DEPDC5: variants seen among roughly 807,000 people sequenced by gnomAD.
DEPDC5 encodes GATOR1 complex protein DEPDC5.
Under a neutral mutation model 217.3 loss-of-function variants are expected in DEPDC5, and 73 were observed. That is an observed-to-expected ratio of 0.34 (90% CI 0.28 to 0.41). DEPDC5 has a LOEUF of 0.41. DEPDC5 is among the 10% of genes least tolerant of loss of function. The pLI, the probability that DEPDC5 is intolerant of heterozygous loss-of-function variation, is 1.00. For synonymous variants in DEPDC5, 733 were observed against 756.7 expected (o/e 0.97, Z 0.51); for missense variants, 1,675 against 2,070.1 (o/e 0.81, Z 3.70).
At chr22:31,762,370 A>C (rs1386830386) in intron 4 of DEPDC5, among the ~76,000 whole-genome samples, 1 of 152,232 alleles carries the variant, frequency 6.6e-6, no homozygotes, top group Non-Finnish European at 1.5e-5. Flanking sequence ...TCTAATGGCT[A>C]TGCCATGCTG....
chr22:31,860,971 A>G (rs1397702252), intron 32 of DEPDC5, among the ~76,000 whole-genome samples: 2 of 152,110 alleles, frequency 1.3e-5, no homozygotes, highest in Non-Finnish European at 2.9e-5. Context: ...CTTCCTTGGC[A>G]TAGGTCTGAA....
intron 7 of DEPDC5, 50 bp from the exon 8 acceptor site, chr22:31,778,049 G>A: frequency 1.9e-6 from 3 of 1,596,778 alleles, no homozygotes; most frequent in Non-Finnish European, 1.7e-6. Flanking sequence ...CACCAGGCAT[G>A]TATTGGTTTC....
intron 20 of DEPDC5, chr22:31,814,537 A>G (rs2088841416): frequency 6.0e-6 from 1 of 167,550 alleles, no homozygotes; most frequent in African/African-American, 2.4e-5. Flanking sequence ...GTTGCCTTGT[A>G]GTGTTTCAGT....
chr22:31,796,099 C>CTT (rs60336012), intron 12 of DEPDC5, among the ~76,000 whole-genome samples: 17 of 127,512 alleles, frequency 1.3e-4, no homozygotes, highest in African/African-American at 3.1e-4. Context: ...TCCACAGTAT[C>CTT]TTTTTTTTTT....
intron 27 of DEPDC5, among the ~76,000 whole-genome samples, chr22:31,841,626 A>T (rs753746405): frequency 6.6e-6 from 1 of 152,186 alleles, no homozygotes; most frequent in South Asian, 2.1e-4. Flanking sequence ...GTGGCTCGCA[A>T]TCAGTCTGAT....
At position 31,784,865 on chromosome 22, in the gene DEPDC5, C is replaced by T. The variant is rs776452358; in HGVS notation, c.614C>T (p.Thr205Ile). ...AATGGTTTCCTTGCTGATCTATTTA[C>T]CAAGTGGAAGGTACATTTCTTCTTA... The part of the protein sequence containing the change: ...AVNGFLADLF[T>I]KWKEKNCSHE... Residue 205 changes from threonine to isoleucine, a missense_variant, in exon 10 of 43, where the codon ACC becomes ATC. Around this residue, in one of 11 missense-constraint regions of DEPDC5, gnomAD observed 628 missense variants for 762.1 expected, o/e 0.82. Transcript: ENST00000651528. 1 of 1,612,744 alleles carries T rather than the reference C, an allele frequency of 6.2e-7. No individual in the cohort carries two copies. Among genetic ancestry groups the T allele is most frequent in the Non-Finnish European group, 8.5e-7 (1 of 1,179,498 alleles).
intron 5 of DEPDC5, among the ~76,000 whole-genome samples, chr22:31,766,118 C>T (rs2082796872): frequency 6.6e-6 from 1 of 152,198 alleles, no homozygotes; most frequent in African/African-American, 2.4e-5. Context: ...CACCACTTTT[C>T]TTGAAGCTTG....
chr22:31,865,037 G>A (rs902808384), intron 33 of DEPDC5, among the ~76,000 whole-genome samples: 4 of 141,436 alleles, frequency 2.8e-5, no homozygotes, highest in Non-Finnish European at 4.4e-5. Flanking sequence ...TGTTGGCCAC[G>A]CTGGTCTCGA....
intron 4 of DEPDC5, among the ~76,000 whole-genome samples, chr22:31,761,775 C>T (rs2082410198): frequency 6.6e-6 from 1 of 151,750 alleles, no homozygotes; most frequent in Admixed American, 6.6e-5. Flanking sequence ...TGCGACCAGC[C>T]TGGGCAAAAC....
At chr22:31,901,242 C>CAAAA (rs1241211030) in intron 40 of DEPDC5, among the ~76,000 whole-genome samples, 1 of 97,378 alleles carries the variant, frequency 1.0e-5, no homozygotes, top group East Asian at 3.0e-4. Context: ...GACTCTCCCT[C>CAAAA]AAAAAAAAAA....
chr22:31,769,068 G>A (rs2083086172), intron 7 of DEPDC5: 3 of 409,782 alleles, frequency 7.3e-6, no homozygotes, highest in Non-Finnish European at 1.3e-5. Flanking sequence ...GGACCATACT[G>A]GCTAACACGG....
chr22:31,900,609 C>T (rs565896596), intron 40 of DEPDC5, among the ~76,000 whole-genome samples: 3 of 152,008 alleles, frequency 2.0e-5, no homozygotes, highest in Non-Finnish European at 4.4e-5. Flanking sequence ...CGCTGTGGCA[C>T]ATGCCTGTAA....
At position 31,818,060 on chromosome 22, in the gene DEPDC5, A is replaced by T. The variant is rs116572545; in HGVS notation, c.1667-962A>T. Among the ~76,000 whole-genome samples the T allele has an allele frequency of 6.0e-3, 914 of 151,914 alleles. 15 individuals carry two copies. The highest frequency in any genetic ancestry group is 0.021 in the African/African-American group (857 of 41,424). On this transcript the variant is annotated intron_variant, in intron 21 of 42. Transcript: ENST00000651528. ...CTTGGAGTTTGCATCTGCTGGACCCACTTTTTCATCTGGGTGGTTGCTTAA... is the reference window on the plus strand; with the variant it reads ...CTTGGAGTTTGCATCTGCTGGACCCTCTTTTTCATCTGGGTGGTTGCTTAA...
At chr22:31,864,522 A>G (rs141117237) in intron 33 of DEPDC5, among the ~76,000 whole-genome samples, 1 of 133,022 alleles carries the variant, frequency 7.5e-6, no homozygotes, top group Non-Finnish European at 1.6e-5. Context: ...ATATATATAT[A>G]TATTTATATA....
intron 38 of DEPDC5, among the ~76,000 whole-genome samples, chr22:31,885,209 A>G (rs575429803): frequency 1.3e-5 from 2 of 152,334 alleles, no homozygotes; most frequent in East Asian, 3.9e-4. Flanking sequence ...TAGAGTTTTC[A>G]GCAGCCTACA....
In DEPDC5 at chr22:31,821,704, A is replaced by G. The variant is rs2089714834; in HGVS notation, c.2006+67A>G. 3.5e-5 allele frequency: 55 copies of G among 1,571,922 alleles called. No homozygotes were observed. In the South Asian group the frequency reaches 5.6e-4, roughly 16 times the overall value. Reference sequence around the variant, plus strand: ...CTCTCCAGCACCCAGGACAATGTGCAGAACAGACTATTGACAAAATGTTGT... The same window carrying G: ...CTCTCCAGCACCCAGGACAATGTGCGGAACAGACTATTGACAAAATGTTGT... On this transcript the variant is annotated intron_variant, in intron 23 of 42. Coordinates refer to ENST00000651528, the MANE Select transcript of DEPDC5 (RefSeq NM_001242896.3).
At chr22:31,821,761 G>A (rs747440433) in intron 23 of DEPDC5, 124 bp downstream of exon 23, 633 of 1,375,846 alleles carry the variant, frequency 4.6e-4, no homozygotes, top group Non-Finnish European at 5.3e-4. Context: ...TATGAGGTCA[G>A]GGCCTTCCTT....
intron 38 of DEPDC5, among the ~76,000 whole-genome samples, chr22:31,882,192 A>G (rs1200670955): frequency 2.0e-5 from 3 of 152,140 alleles, no homozygotes; most frequent in Non-Finnish European, 4.4e-5. Context: ...CATGAAATCA[A>G]GTTTATTTTT....
rs2149449423 is a variant in DEPDC5, at chr22:31,906,338, C to T, written c.4653C>T (p.Asn1551=). The T allele has an allele frequency of 1.9e-6, 3 of 1,614,042 alleles. No homozygotes were observed. The highest frequency in any genetic ancestry group is 2.2e-5 in the East Asian group (1 of 44,894). The part of the protein sequence containing the change: ...EERVGYNWAY[N]TMLTKTWRSS... ...GGGTCGGCTACAACTGGGCCTACAA[C>T]ACCATGCTCACCAAAACATGGCGCT... The change falls in exon 43 of 43, where the codon AAC becomes AAT. Residue 1551 remains asparagine (N), a synonymous_variant. Transcript: ENST00000651528. This position sits in a 1 kb window ranked among gnomAD's most constrained non-coding sequence, Gnocchi z 5.1.
Sources: allele counts gnomAD v4.1 joint callset (sites outside exome capture counted in the v4.1 genomes callset), GRCh38; gene constraint gnomAD v4.1.1; regional missense constraint gnomAD v4.1.1; non-coding constraint Gnocchi (gnomAD v3.1); transcripts MANE v1.5; gene names NCBI Gene and HGNC (gene_info 2026-07-23, HGNC 2026-07-21).